The following NCK1 variants were observed in gnomAD, a reference collection of about 807,000 sequenced individuals.
NCK1 encodes the protein NCK adaptor protein 1.
A neutral mutation model predicts 36.6 loss-of-function variants in NCK1; 19 were observed. The ratio of observed to expected loss-of-function variants is 0.52; its 90% CI spans 0.36 to 0.76. The LOEUF (loss-of-function observed/expected upper bound fraction) is 0.76, where lower values mean the gene tolerates loss of function less well. NCK1 is among the 30% of genes least tolerant of loss of function. The pLI, the probability that NCK1 is intolerant of heterozygous loss-of-function variation, is 0.00. For missense variants in NCK1, 358 were observed against 445.6 expected, an observed-to-expected ratio of 0.80 and a Z score of 1.77; for synonymous variants, 165 against 156.0, an observed-to-expected ratio of 1.06 and a Z score of -0.43.
intron 1 of NCK1, among the ~76,000 whole-genome samples, chr3:136,910,183 A>G (rs1299510018): frequency 6.6e-6 from 1 of 152,134 alleles, no homozygotes; most frequent in Non-Finnish European, 1.5e-5. Context: ...ATTTAATAGA[A>G]TAATTCCATT....
At chr3:136,893,285 T>C (rs1939305070) in intron 1 of NCK1, among the ~76,000 whole-genome samples, 1 of 151,504 alleles carries the variant, frequency 6.6e-6, no homozygotes, top group South Asian at 2.1e-4. Context: ...TTCAGTTCTT[T>C]AAGGAATCTG....
intron 1 of NCK1, among the ~76,000 whole-genome samples, chr3:136,882,593 A>C (rs1018124521): frequency 1.5e-5 from 2 of 130,866 alleles, no homozygotes; most frequent in Admixed American, 7.5e-5. Flanking sequence ...GTGTGTGTTG[A>C]GGGGCACCTT....
At chr3:136,923,959 AT>A (rs1206539145) in intron 1 of NCK1, among the ~76,000 whole-genome samples, 1 of 152,206 alleles carries the variant, frequency 6.6e-6, no homozygotes, top group Non-Finnish European at 1.5e-5. Flanking sequence ...TTTTAGGGTA[AT>A]AGAACAATAA....
chr3:136,867,710 C>T (rs919892799), intron 1 of NCK1, among the ~76,000 whole-genome samples: 1 of 152,082 alleles, frequency 6.6e-6, no homozygotes, highest in Non-Finnish European at 1.5e-5. Flanking sequence ...AGACTAGATG[C>T]ACCAAAATTC....
chr3:136,884,652 G>A (rs935953874), intron 1 of NCK1, among the ~76,000 whole-genome samples: 1 of 151,952 alleles, frequency 6.6e-6, no homozygotes, highest in South Asian at 2.1e-4. Context: ...TGTTGGCCAG[G>A]CTGGTCTTGA....
At chr3:136,866,382 C>T (rs1938411366) in intron 1 of NCK1, among the ~76,000 whole-genome samples, 1 of 151,156 alleles carries the variant, frequency 6.6e-6, no homozygotes, top group South Asian at 2.1e-4. Flanking sequence ...ATCTCGGCTC[C>T]CCGTAACCTC....
chr3:136,918,194 G>C (rs888994242), intron 1 of NCK1, among the ~76,000 whole-genome samples: 2 of 152,008 alleles, frequency 1.3e-5, no homozygotes, highest in Non-Finnish European at 1.5e-5. Context: ...GGTTTCTTCT[G>C]ATATTCTTTA....
chr3:136,927,084 G>A (rs1355458552), intron 1 of NCK1, among the ~76,000 whole-genome samples: 1 of 152,168 alleles, frequency 6.6e-6, no homozygotes, highest in Non-Finnish European at 1.5e-5. Flanking sequence ...GGATTCTCCT[G>A]CCTCAGCCTC....
intron 2 of NCK1, 111 bp downstream of exon 2, chr3:136,928,338 G>T: frequency 9.5e-7 from 1 of 1,057,338 alleles, no homozygotes; most frequent in East Asian, 2.6e-5. Context: ...AAAGGCAAGG[G>T]CTAGGTAAGT....
intron 1 of NCK1, among the ~76,000 whole-genome samples, chr3:136,872,927 C>T (rs1319344240): frequency 6.6e-6 from 1 of 152,164 alleles, no homozygotes; most frequent in Non-Finnish European, 1.5e-5. Flanking sequence ...TATGGAAATG[C>T]TTGGATGCCC....
intron 1 of NCK1, among the ~76,000 whole-genome samples, chr3:136,869,163 C>A (rs1938534765): frequency 6.6e-6 from 1 of 151,992 alleles, no homozygotes; most frequent in South Asian, 2.1e-4. Flanking sequence ...TGGCTTGAAC[C>A]CCAGAGGCAG....
intron 1 of NCK1, among the ~76,000 whole-genome samples, chr3:136,882,112 A>G (rs552360208): frequency 2.8e-4 from 42 of 152,302 alleles, no homozygotes; most frequent in African/African-American, 9.6e-4. Context: ...CATTTTCCAT[A>G]GCAGCTGCAC....
intron 1 of NCK1, among the ~76,000 whole-genome samples, chr3:136,909,882 A>C (rs1560043665): frequency 1.3e-5 from 2 of 152,136 alleles, no homozygotes; most frequent in Non-Finnish European, 2.9e-5. Context: ...TCTGATGTTA[A>C]TACAGCCCAC....
intron 1 of NCK1, among the ~76,000 whole-genome samples, chr3:136,919,585 A>G (rs1307302872): frequency 6.6e-6 from 1 of 152,192 alleles, no homozygotes; most frequent in Non-Finnish European, 1.5e-5. Context: ...AGAACTGCTA[A>G]TGTAAATACA....
At chr3:136,937,009 A>T (rs1175813120) in intron 2 of NCK1, among the ~76,000 whole-genome samples, 4 of 152,122 alleles carry the variant, frequency 2.6e-5, no homozygotes, top group Non-Finnish European at 5.9e-5. Context: ...TTGGTTGCTT[A>T]TGCTTTTAGT....
At chr3:136,938,508 CA>C (rs1940592816) in intron 2 of NCK1, among the ~76,000 whole-genome samples, 1 of 152,146 alleles carries the variant, frequency 6.6e-6, no homozygotes, top group Non-Finnish European at 1.5e-5. Context: ...GTCCTTTGTG[CA>C]GTCTATTTAG....
At chr3:136,919,534 G>A (rs150628062) in intron 1 of NCK1, among the ~76,000 whole-genome samples, 107 of 152,210 alleles carry the variant, frequency 7.0e-4, no homozygotes, top group Non-Finnish European at 1.3e-3. Context: ...TTTTGGCTCC[G>A]TAGACCCCTT....
intron 2 of NCK1, among the ~76,000 whole-genome samples, chr3:136,932,610 C>T (rs1392561902): frequency 1.3e-5 from 2 of 152,190 alleles, no homozygotes; most frequent in Non-Finnish European, 2.9e-5. Context: ...AGACATATCA[C>T]TTACAAGCCA....
At chr3:136,911,288 C>A (rs528178075) in intron 1 of NCK1, among the ~76,000 whole-genome samples, 2 of 152,296 alleles carry the variant, frequency 1.3e-5, no homozygotes, top group African/African-American at 4.8e-5. Flanking sequence ...ATTGCTGGAT[C>A]ATATGGTAGC....
Sources: allele counts gnomAD v4.1 joint callset (sites outside exome capture counted in the v4.1 genomes callset), GRCh38; gene constraint gnomAD v4.1.1; transcripts MANE v1.5; gene names NCBI Gene and HGNC (gene_info 2026-07-23, HGNC 2026-07-21).